ACOX3: variants seen among roughly 807,000 people sequenced by gnomAD.
ACOX3 encodes the protein acyl-CoA oxidase 3, pristanoyl.
A neutral mutation model predicts 81.5 loss-of-function variants in ACOX3; 73 were observed. The observed-to-expected ratio is 0.90, with a 90% CI of 0.74 to 1.09. ACOX3 has a LOEUF of 1.09. Ranked by LOEUF, ACOX3 falls within the 50% of genes least tolerant of loss-of-function variation. The probability of loss-of-function intolerance (pLI) is 0.00; values close to 1 mark genes in which losing one functional copy is unlikely to be tolerated. For missense variants in ACOX3, 947 were observed against 928.0 expected (o/e 1.02, Z -0.27); for synonymous variants, 387 against 375.1 (o/e 1.03, Z -0.37).
chr4:8,396,984 C>T lies in ACOX3; in HGVS notation c.1009G>A (p.Gly337Arg), dbSNP rs1454430665. Residue 337 changes from glycine (G) to arginine (R), a missense_variant, in exon 9 of 18, where the codon GGA (glycine) becomes AGA (arginine). Transcript: ENST00000356406. ...LRFSATRRQF[G>R]PTEEEEIPVL... The stretch of plus-strand genomic sequence containing the variant: ...GGTATTTCCTCCTCCTCTGTGGGTC[C>T]AAACTGACGCCGAGTGGCTGAGAAG... 2 of 1,611,844 alleles carry T rather than the reference C, an allele frequency of 1.2e-6. No individual in the cohort carries two copies. Among genetic ancestry groups the T allele is most frequent in the East Asian group, 4.5e-5 (2 of 44,710 alleles).
intron 14 of ACOX3, among the ~76,000 whole-genome samples, chr4:8,379,997 G>A (rs1182652131): frequency 6.6e-6 from 1 of 152,054 alleles, no homozygotes; most frequent in Admixed American, 6.5e-5. Context: ...GGGAGCAGTG[G>A]AAGCTGACAG....
In ACOX3 at chr4:8,416,556, G is replaced by A. The variant is rs139274614; in HGVS notation, c.-14-21C>T. 539 of 1,554,210 alleles carry A rather than the reference G, an allele frequency of 3.5e-4. 2 individuals carry two copies. The African/African-American group carries it at 6.7e-3, about 19-fold the overall frequency. ...AGAGCCTGCACAAAACATGCAACCT[G>A]AATCCATGCTCTCCCATCTATGGGT... On this transcript the variant is annotated intron_variant, in intron 1 of 17. Coordinates refer to ENST00000356406, the MANE Select transcript of ACOX3 (RefSeq NM_003501.3). This position sits in a 1 kb window ranked among gnomAD's most constrained non-coding sequence, Gnocchi z 4.2.
intron 13 of ACOX3, among the ~76,000 whole-genome samples, chr4:8,388,196 C>A (rs1718535265): frequency 6.6e-6 from 1 of 152,220 alleles, no homozygotes; most frequent in Non-Finnish European, 1.5e-5. Flanking sequence ...AAGGCCAAGG[C>A]CCCTGCAAGG....
chr4:8,431,379 C>T lies in ACOX3; in HGVS notation c.-15+9269G>A, dbSNP rs1432118176. Among the ~76,000 whole-genome samples the T allele has an allele frequency of 6.6e-6, 1 of 152,228 alleles. No homozygotes were observed. The highest frequency in any genetic ancestry group is 6.5e-5 in the Admixed American group (1 of 15,288). The stretch of plus-strand genomic sequence containing the variant: ...GGCCACCTTCTGGCATTTGCCTGCT[C>T]ACGCTGTAGCACTCTCCATCCACCG... On this transcript the variant is annotated intron_variant, in intron 1 of 17. Coordinates refer to ENST00000356406, the MANE Select transcript of ACOX3 (RefSeq NM_003501.3). The surrounding 1 kb of genome is among the most constrained non-coding windows in gnomAD (Gnocchi z 5.3).
rs916061773 is a variant in ACOX3 at position 8,437,121 on chromosome 4, AT to A, written c.-15+3526del. On this transcript the variant is annotated intron_variant, in intron 1 of 17. Transcript: ENST00000356406. The surrounding 1 kb of genome is among the most constrained non-coding windows in gnomAD (Gnocchi z 5.2). ...TATATTTACATATATATGTAAAAAAATATATGTAAATATATATATAAATATA... is the reference window on the plus strand; with the variant it reads ...TATATTTACATATATATGTAAAAAAAATATGTAAATATATATATAAATATA... Among the ~76,000 whole-genome samples the A allele has an allele frequency of 5.1e-5, 7 of 138,460 alleles. No homozygotes were observed. The highest frequency in any genetic ancestry group is 8.0e-5 in the African/African-American group (3 of 37,442). 90.8% of individuals were successfully genotyped at this position (138,460 alleles called of 152,430 possible).
Position 8,382,766 on chromosome 4 carries a change from G to A in ACOX3, c.1538-1159C>T, listed in dbSNP as rs1339572905. Among the ~76,000 whole-genome samples, 1 of 152,098 alleles carries A rather than the reference G, an allele frequency of 6.6e-6. No homozygotes were observed. Among genetic ancestry groups the A allele is most frequent in the Non-Finnish European group, 1.5e-5 (1 of 68,014 alleles). Reference sequence around the variant, plus strand: ...CCAGCACTTTGGGAGGCAGAGGCGGGCGGATCACGAGGTCAGGAGATCGAG... The same window carrying A: ...CCAGCACTTTGGGAGGCAGAGGCGGACGGATCACGAGGTCAGGAGATCGAG... On this transcript the variant is annotated intron_variant, in intron 13 of 17. Transcript: ENST00000356406. The surrounding 1 kb of genome is among the most constrained non-coding windows in gnomAD (Gnocchi z 4.1).
At chr4:8,426,621 C>T (rs1005438001) in intron 1 of ACOX3, among the ~76,000 whole-genome samples, 7 of 151,254 alleles carry the variant, frequency 4.6e-5, no homozygotes, top group South Asian at 4.2e-4. Flanking sequence ...ATGGAGAATG[C>T]GGCTTCCCAG....
In ACOX3 at chr4:8,385,093, C is replaced by T. The variant is rs1012505356; in HGVS notation, c.1538-3486G>A. Reference sequence around the variant, plus strand: ...GGCATGGGGTGACCGCATTCCCTCCCCACTGTCTCGCAGAAGGAAAACAGG... The same window carrying T: ...GGCATGGGGTGACCGCATTCCCTCCTCACTGTCTCGCAGAAGGAAAACAGG... On this transcript the variant is annotated intron_variant, in intron 13 of 17. Transcript: ENST00000356406. The surrounding 1 kb of genome is among the most constrained non-coding windows in gnomAD (Gnocchi z 5.5). Among the ~76,000 whole-genome samples, 4 of 152,140 alleles carry T rather than the reference C, an allele frequency of 2.6e-5. No homozygotes were observed. Among genetic ancestry groups the T allele is most frequent in the Non-Finnish European group, 5.9e-5 (4 of 68,024 alleles).
chr4:8,434,560 G>A (rs189751709), intron 1 of ACOX3, among the ~76,000 whole-genome samples: 40 of 152,358 alleles, frequency 2.6e-4, no homozygotes, highest in Admixed American at 9.1e-4. Context: ...TCGTCAGAGT[G>A]GTGCATGGCA....
chr4:8,402,458 T>C (rs143339213), intron 7 of ACOX3, among the ~76,000 whole-genome samples: 1 of 152,330 alleles, frequency 6.6e-6, no homozygotes, highest in East Asian at 1.9e-4. Context: ...AGCCTGTTAC[T>C]TGAAAGCCAA....
At chr4:8,401,693 C>T (rs921925943) in intron 7 of ACOX3, among the ~76,000 whole-genome samples, 3 of 152,196 alleles carry the variant, frequency 2.0e-5, no homozygotes, top group Non-Finnish European at 4.4e-5. Flanking sequence ...AATTGCATCG[C>T]CACCTTGCCA....
At chr4:8,373,448 C>A in intron 16 of ACOX3, 113 bp downstream of exon 16, 1 of 1,124,546 alleles carries the variant, frequency 8.9e-7, no homozygotes, top group Middle Eastern at 2.7e-4. Flanking sequence ...GCGTGTCAGT[C>A]TGGGTGATAC....
chr4:8,408,293 G>A (rs994216155), intron 6 of ACOX3, among the ~76,000 whole-genome samples: 2 of 150,484 alleles, frequency 1.3e-5, no homozygotes, highest in Non-Finnish European at 3.0e-5. Flanking sequence ...AAAGAAACCT[G>A]CAAAAGATGC....
chr4:8,388,777 G>A (rs1308229131), intron 13 of ACOX3, among the ~76,000 whole-genome samples: 1 of 152,230 alleles, frequency 6.6e-6, no homozygotes, highest in African/African-American at 2.4e-5. Context: ...GCAGGGCCTG[G>A]GAGTGGGGAA....
At chr4:8,415,055 C>T (rs1402451519) in intron 3 of ACOX3, 127 bp from the exon 4 acceptor site, 7 of 886,730 alleles carry the variant, frequency 7.9e-6, no homozygotes, top group Non-Finnish European at 1.3e-5. Flanking sequence ...CTGCACTTTC[C>T]CCAAGGTGGA....
At chr4:8,369,050 C>G (rs530047223) in intron 17 of ACOX3, among the ~76,000 whole-genome samples, 1 of 152,272 alleles carries the variant, frequency 6.6e-6, no homozygotes, top group South Asian at 2.1e-4. Flanking sequence ...CTATGGAACC[C>G]AGAGCCAGGG....
chr4:8,374,797 C>T (rs1392636320), intron 15 of ACOX3, 181 bp downstream of exon 15: 4 of 628,402 alleles, frequency 6.4e-6, no homozygotes, highest in Non-Finnish European at 9.6e-6. Flanking sequence ...ACCACCCTGA[C>T]GCTGCTCTGC....
rs1441072894 is a variant in ACOX3 at position 8,384,467 on chromosome 4, C to CT, written c.1538-2861dup. ...AATTCTCTTGCTCGGAATGCGGCTG[C>CT]TGGCGGCCTGAGGACACACCCAGCG... On this transcript the variant is annotated intron_variant, in intron 13 of 17. Coordinates refer to ENST00000356406, the MANE Select transcript of ACOX3 (RefSeq NM_003501.3). The surrounding 1 kb of genome is among the most constrained non-coding windows in gnomAD (Gnocchi z 5.3). 1.3e-5 allele frequency among the ~76,000 whole-genome samples: 2 copies of CT among 152,196 alleles called. No homozygotes were observed. Among genetic ancestry groups the CT allele is most frequent in the Non-Finnish European group, 2.9e-5 (2 of 68,042 alleles).
Position 8,382,990 on chromosome 4 carries a change from CAA to C in ACOX3, c.1538-1385_1538-1384del, listed in dbSNP as rs143092717. ...TGGGCGACAGAGCGAGACTCCGTCT[CAA>C]AAAAAAAAAAAAAAGAAAAGAAAAT... is the stretch of plus-strand genomic sequence containing the variant. On this transcript the variant is annotated intron_variant, in intron 13 of 17. Transcript: ENST00000356406. This position sits in a 1 kb window ranked among gnomAD's most constrained non-coding sequence, Gnocchi z 4.1. Among the ~76,000 whole-genome samples, 753 of 72,086 alleles carry C rather than the reference CAA, an allele frequency of 0.01. 6 individuals are homozygous for C. Among genetic ancestry groups the C allele is most frequent in the African/African-American group, 0.05 (717 of 14,262 alleles). 47.3% of individuals were successfully genotyped at this position (72,086 alleles called of 152,430 possible).
Sources: allele counts gnomAD v4.1 joint callset (sites outside exome capture counted in the v4.1 genomes callset), GRCh38; gene constraint gnomAD v4.1.1; non-coding constraint Gnocchi (gnomAD v3.1); transcripts MANE v1.5; gene names NCBI Gene and HGNC (gene_info 2026-07-23, HGNC 2026-07-21).